PPP2R1B: variants seen among roughly 807,000 people sequenced by gnomAD.
PPP2R1B encodes serine/threonine-protein phosphatase 2A 65 kDa regulatory subunit A beta isoform.
In PPP2R1B, 58 loss-of-function variants were observed where a neutral mutation model predicts 72.7. The ratio of observed to expected loss-of-function variants is 0.80; its 90% CI spans 0.65 to 0.99. PPP2R1B has a LOEUF of 0.99. Among genes scored for constraint, PPP2R1B ranks in the 50% least tolerant of loss-of-function variants. PPP2R1B has a pLI of 0.00. For synonymous variants in PPP2R1B, 256 were observed against 264.6 expected, an observed-to-expected ratio of 0.97 and a Z score of 0.32; for missense variants, 695 against 733.6, an observed-to-expected ratio of 0.95 and a Z score of 0.61.
the PPP2R1B span, among the ~76,000 whole-genome samples, chr11:111,715,637 A>G: frequency 6.6e-6 from 1 of 152,164 alleles, no homozygotes; most frequent in Admixed American, 6.5e-5. Flanking sequence ...TGGTTGGATC[A>G]GGTGTTCCAA....
chr11:111,738,592 G>A lies in PPP2R1B; in HGVS notation c.*3004C>T, dbSNP rs892289381. The A allele has an allele frequency of 1.2e-5, 12 of 985,344 alleles. No individual in the cohort carries two copies. Among genetic ancestry groups the A allele is most frequent in the Non-Finnish European group, 1.4e-5 (12 of 829,964 alleles). 61.0% of individuals were successfully genotyped at this position (985,344 alleles called of 1,614,324 possible). A position where few individuals can be genotyped will look rare whatever the true frequency, so the allele number is the denominator to read the frequency against. ...TCTGTTGAGTCAGGACAAGTTGTCT[G>A]GCAAAGACCCCTGGGGCTCTGCATC... On this transcript the variant is annotated 3_prime_UTR_variant, in exon 15 of 15. Transcript: ENST00000527614.
chr11:111,749,088 G>A lies in PPP2R1B; in HGVS notation c.1339-1074C>T, dbSNP rs117144870. On this transcript the variant is annotated intron_variant, in intron 10 of 14. Transcript: ENST00000527614. ...TCTTAACTCCTGACTCAGATGATCC[G>A]TCCGCCTCAGCCTCCCAAAGTGCTG... Among the ~76,000 whole-genome samples the A allele has an allele frequency of 7.4e-3, 1,120 of 152,020 alleles. 8 individuals are homozygous for A. The highest frequency in any genetic ancestry group is 0.054 in the Middle Eastern group (16 of 294).
downstream of PPP2R1B, chr11:111,724,040 C>G: frequency 6.2e-7 from 1 of 1,614,182 alleles, no homozygotes; most frequent in African/African-American, 1.3e-5. Flanking sequence ...CTACGACCCA[C>G]TAGCCCTCTC....
intron 14 of PPP2R1B, 100 bp from the exon 15 acceptor site, chr11:111,741,712 T>A (rs1944526808): frequency 2.3e-6 from 3 of 1,297,082 alleles, no homozygotes; most frequent in Non-Finnish European, 3.3e-6. Context: ...CGTATCAAAC[T>A]AACAACTTCT....
the PPP2R1B span, among the ~76,000 whole-genome samples, chr11:111,708,253 G>A: frequency 6.6e-6 from 1 of 152,044 alleles, no homozygotes; most frequent in Non-Finnish European, 1.5e-5. Flanking sequence ...ATGGTAGTGC[G>A]TGCTTATAAT....
intron 15 of PPP2R1B, chr11:111,727,555 C>T (rs948932223): frequency 6.2e-6 from 1 of 161,742 alleles, no homozygotes; most frequent in Non-Finnish European, 1.4e-5. Context: ...ATCGGCCTCT[C>T]CCCTGCCCCC....
chr11:111,741,926 G>A (rs765085814), intron 14 of PPP2R1B, 127 bp downstream of exon 14: 5 of 906,034 alleles, frequency 5.5e-6, no homozygotes, highest in African/African-American at 4.9e-5. Flanking sequence ...CAGCATTCCA[G>A]GAACTTACTA....
chr11:111,700,881 A>C, the PPP2R1B span: 4 of 1,613,676 alleles, frequency 2.5e-6, no homozygotes, highest in African/African-American at 5.3e-5. Context: ...TTTCCATCCT[A>C]ATAGATTTCG....
At chr11:111,690,923 T>G in the PPP2R1B span, among the ~76,000 whole-genome samples, 1 of 152,210 alleles carries the variant, frequency 6.6e-6, no homozygotes, top group African/African-American at 2.4e-5. Flanking sequence ...GAAACATACA[T>G]GCACATGTGT....
Position 111,740,056 on chromosome 11 carries a change from A to C in PPP2R1B, c.*1540T>G, listed in dbSNP as rs906689012. ...TCTTTGGGCCTTCACTAAACAGAAC[A>C]GGACTTGTTAGATTTAAAAGAGGTT... On this transcript the variant is annotated 3_prime_UTR_variant, in exon 15 of 15. Transcript: ENST00000527614. 1.0e-6 allele frequency: 1 copy of C among 985,334 alleles called. No individual in the cohort carries two copies. Among genetic ancestry groups the C allele is most frequent in the African/African-American group, 1.7e-5 (1 of 57,354 alleles). The allele number at this position is 985,334 out of a possible 1,614,324, so 61.0% of individuals were successfully genotyped here. A position where few individuals can be genotyped will look rare whatever the true frequency, so the allele number is the denominator to read the frequency against.
chr11:111,713,026 G>A, the PPP2R1B span, among the ~76,000 whole-genome samples: 6 of 152,066 alleles, frequency 3.9e-5, no homozygotes, highest in Non-Finnish European at 7.4e-5. Flanking sequence ...TTAGCCAGGC[G>A]TGGTGGTACA....
the PPP2R1B span, chr11:111,700,901 A>G: frequency 6.2e-7 from 1 of 1,613,980 alleles, no homozygotes; most frequent in Non-Finnish European, 8.5e-7. Context: ...GGTTTTGGAA[A>G]TTTCTTTAAA....
rs78574688 is a variant in PPP2R1B, at chr11:111,738,925, T to C, written c.*2671A>G. 3 of 982,898 alleles carry C rather than the reference T, an allele frequency of 3.1e-6. No individual in the cohort carries two copies. The highest frequency in any genetic ancestry group is 3.6e-5 in the African/African-American group (2 of 55,746). The allele number at this position is 982,898 out of a possible 1,614,324, so 60.9% of individuals were successfully genotyped here. On this transcript the variant is annotated 3_prime_UTR_variant, in exon 15 of 15. Transcript: ENST00000527614. ...GTGTGTGTGTGTGTGTGTGTGTGTG[T>C]CTGCTTCATTTTTCTAATCAAACAA...
the PPP2R1B span, among the ~76,000 whole-genome samples, chr11:111,689,798 C>T: frequency 1.3e-5 from 2 of 152,016 alleles, no homozygotes; most frequent in African/African-American, 4.8e-5. Context: ...TAGTTTTTGT[C>T]TTAGGCAATT....
chr11:111,758,163 T>A (rs782565245), intron 5 of PPP2R1B, among the ~76,000 whole-genome samples: 1 of 152,238 alleles, frequency 6.6e-6, no homozygotes, highest in Non-Finnish European at 1.5e-5. Flanking sequence ...TTTGGTCGAA[T>A]ACAAATATTG....
chr11:111,710,958 T>C, the PPP2R1B span, among the ~76,000 whole-genome samples: 8 of 152,300 alleles, frequency 5.3e-5, no homozygotes, highest in African/African-American at 1.9e-4. Flanking sequence ...TCTAGTATGA[T>C]GATTGTTTTC....
At chr11:111,756,526 G>C (rs1179397159) in intron 5 of PPP2R1B, among the ~76,000 whole-genome samples, 1 of 152,158 alleles carries the variant, frequency 6.6e-6, no homozygotes, top group Non-Finnish European at 1.5e-5. Flanking sequence ...AAATCACTTA[G>C]AAAGCTTAGT....
At chr11:111,719,459 G>A in the PPP2R1B span, among the ~76,000 whole-genome samples, 1 of 145,216 alleles carries the variant, frequency 6.9e-6, no homozygotes, top group Non-Finnish European at 1.5e-5. Context: ...AATAATAACT[G>A]GTAGTCCTCA....
intron 15 of PPP2R1B, among the ~76,000 whole-genome samples, chr11:111,732,348 T>C (rs1038955880): frequency 6.6e-6 from 1 of 152,104 alleles, no homozygotes; most frequent in Admixed American, 6.5e-5. Context: ...GAGGCCCCCC[T>C]CCCCACCAGG....
Sources: allele counts gnomAD v4.1 joint callset (sites outside exome capture counted in the v4.1 genomes callset), GRCh38; gene constraint gnomAD v4.1.1; transcripts MANE v1.5; gene names NCBI Gene and HGNC (gene_info 2026-07-23, HGNC 2026-07-21).